Variants in C19orf25 observed in about 807,000 individuals in gnomAD.
The protein encoded by C19orf25 is UPF0449 protein C19orf25.
In C19orf25, 1 loss-of-function variant was observed where a neutral mutation model predicts 3.1. The ratio of observed to expected loss-of-function variants is 0.32; its 90% CI spans 0.12 to 1.54. The LOEUF is 1.54. Ranked by LOEUF, C19orf25 falls within the 40% of genes most tolerant of loss-of-function variation. The pLI, the probability that C19orf25 is intolerant of heterozygous loss-of-function variation, is 0.38. For synonymous variants in C19orf25, 91 were observed against 74.3 expected (o/e 1.23, Z -1.16); for missense variants, 196 against 160.4 (o/e 1.22, Z -1.20).
At position 1,473,366 on chromosome 19, in the gene C19orf25, G is replaced by GA. The variant is rs1337702217; in HGVS notation, c.*1665dup. On this transcript the variant is annotated 3_prime_UTR_variant, in exon 3 of 3. Coordinates refer to ENST00000585675, the MANE Select transcript of C19orf25 (RefSeq NM_152482.3). ...TCCCTGGAAGCAGAGCCAGAAAGCAGAAACTGGGGGCACAGGGTTTGTGGG... is the reference window on the plus strand; with the variant it reads ...TCCCTGGAAGCAGAGCCAGAAAGCAGAAAACTGGGGGCACAGGGTTTGTGGG... 1 of 152,272 alleles carries GA rather than the reference G, an allele frequency of 6.6e-6. No individual in the cohort carries two copies. Among genetic ancestry groups the GA allele is most frequent in the Non-Finnish European group, 1.5e-5 (1 of 68,076 alleles). The allele number at this position is 152,272 out of a possible 1,614,324, so 9.4% of individuals were successfully genotyped here. A position where few individuals can be genotyped will look rare whatever the true frequency, so the allele number is the denominator to read the frequency against.
Position 1,475,981 on chromosome 19 carries a change from G to A in C19orf25, c.131-723C>T, listed in dbSNP as rs116892641. 3,270 of 385,198 alleles carry A rather than the reference G, an allele frequency of 8.5e-3. 25 individuals carry two copies. Among genetic ancestry groups the A allele is most frequent in the Non-Finnish European group, 0.011 (2,363 of 217,998 alleles). The allele number at this position is 385,198 out of a possible 1,614,324, so 23.9% of individuals were successfully genotyped here. A position where few individuals can be genotyped will look rare whatever the true frequency, so the allele number is the denominator to read the frequency against. On this transcript the variant is annotated intron_variant, in intron 2 of 2. Coordinates refer to ENST00000585675, the MANE Select transcript of C19orf25 (RefSeq NM_152482.3). ...TGGAAGCCAGAGACGCAACAAGCCCGCCACCGAAAACCTCTCCAGGGGCCG... is the reference window on the plus strand; with the variant it reads ...TGGAAGCCAGAGACGCAACAAGCCCACCACCGAAAACCTCTCCAGGGGCCG...
intron 2 of C19orf25, chr19:1,478,492 T>G: frequency 1.1e-6 from 1 of 925,086 alleles, no homozygotes; most frequent in Non-Finnish European, 1.4e-6. Flanking sequence ...CAGGCTGGTC[T>G]CGAACTCCTG....
intron 2 of C19orf25, chr19:1,476,291 T>C (rs1165520761): frequency 2.5e-6 from 1 of 398,720 alleles, no homozygotes; most frequent in Non-Finnish European, 4.4e-6. Flanking sequence ...ACCTCTGTCA[T>C]CACCTGCTTT....
rs1361023026 is a variant in C19orf25 at position 1,474,832 on chromosome 19, G to C, written c.*200C>G. The C allele has an allele frequency of 2.1e-6, 3 of 1,461,154 alleles. No individual in the cohort carries two copies. Among genetic ancestry groups the C allele is most frequent in the Non-Finnish European group, 1.8e-6 (2 of 1,107,390 alleles). The allele number at this position is 1,461,154 out of a possible 1,614,324, so 90.5% of individuals were successfully genotyped here. The stretch of plus-strand genomic sequence containing the variant: ...TGGGGCCCTCAGGTCACGCAGGACG[G>C]AGCCAGCTGGGTGGGTCCCACCAAC... On this transcript the variant is annotated 3_prime_UTR_variant, in exon 3 of 3. Coordinates refer to ENST00000585675, the MANE Select transcript of C19orf25 (RefSeq NM_152482.3).
chr19:1,478,924 G>T lies in C19orf25; in HGVS notation c.-2-19C>A. 1.3e-6 allele frequency: 2 copies of T among 1,576,128 alleles called. No individual in the cohort carries two copies. The highest frequency in any genetic ancestry group is 1.1e-5 in the South Asian group (1 of 87,290). On this transcript the variant is annotated intron_variant, in intron 1 of 2. Transcript: ENST00000585675. Reference sequence around the variant, plus strand: ...CCCATCTCTGAAGGCGGGGAAGGGGGCGCTGACCGGGGCGTCCACCTCTCC... The same window carrying T: ...CCCATCTCTGAAGGCGGGGAAGGGGTCGCTGACCGGGGCGTCCACCTCTCC...
chr19:1,478,140 C>G (rs905321259), intron 2 of C19orf25, among the ~76,000 whole-genome samples: 1 of 152,132 alleles, frequency 6.6e-6, no homozygotes, highest in Non-Finnish European at 1.5e-5. Context: ...GCACCGGCCA[C>G]TTATTTATTT....
intron 2 of C19orf25, chr19:1,478,519 C>A (rs752774044): frequency 8.5e-7 from 1 of 1,176,806 alleles, no homozygotes; most frequent in Non-Finnish European, 1.1e-6. Context: ...AGCGATCCTC[C>A]CGCCTCATCC....
Position 1,478,747 on chromosome 19 carries a change from T to C in C19orf25, c.130+27A>G, listed in dbSNP as rs777016362. ...CTTGCTGCCGGGGTCTCAGGTCCGCTTTTCCCCGGGACCGGGCTCCCCCTA... is the reference window on the plus strand; with the variant it reads ...CTTGCTGCCGGGGTCTCAGGTCCGCCTTTCCCCGGGACCGGGCTCCCCCTA... On this transcript the variant is annotated intron_variant, in intron 2 of 2. Transcript: ENST00000585675. The C allele has an allele frequency of 7.1e-6, 11 of 1,545,766 alleles. No individual in the cohort carries two copies. In the African/African-American group the frequency reaches 1.5e-4, roughly 21 times the overall value.
chr19:1,476,049 A>G, intron 2 of C19orf25: 1 of 396,782 alleles, frequency 2.5e-6, no homozygotes, highest in Admixed American at 4.4e-5. Context: ...AGGGGTGGCG[A>G]AGGTGAGAGG....
At position 1,475,117 on chromosome 19, in the gene C19orf25, T is replaced by C. The variant is rs768049372; in HGVS notation, c.272A>G (p.Gln91Arg). The change falls in exon 3 of 3, where the codon CAG (glutamine) becomes CGG (arginine). Residue 91 changes from glutamine (Q) to arginine (R), a missense_variant. Coordinates refer to ENST00000585675, the MANE Select transcript of C19orf25 (RefSeq NM_152482.3). ...NVLRQRCELL[Q>R]RAGEDLEREV... ...CCGCTCCAGGTCCTCGCCGGCTCGC[T>C]GCAGGAGCTCACACCTCTGCCTCAG... The C allele has an allele frequency of 3.2e-5, 51 of 1,603,868 alleles. 1 individual carries two copies. The Admixed American group carries it at 8.3e-4, about 26-fold the overall frequency.
intron 2 of C19orf25, chr19:1,476,079 G>A (rs2084202606): frequency 2.5e-6 from 1 of 397,932 alleles, no homozygotes; most frequent in Non-Finnish European, 4.4e-6. Context: ...ACGTCCTGGT[G>A]ACTCCCACAT....
At chr19:1,478,408 C>T (rs2084228056) in intron 2 of C19orf25, 1 of 445,848 alleles carries the variant, frequency 2.2e-6, no homozygotes, top group Non-Finnish European at 3.7e-6. Flanking sequence ...GCCCAGCTAA[C>T]TCTGTTTTGT....
intron 2 of C19orf25, among the ~76,000 whole-genome samples, chr19:1,476,677 A>C (rs1185406830): frequency 6.6e-6 from 1 of 152,130 alleles, no homozygotes; most frequent in East Asian, 1.9e-4. Flanking sequence ...ACAGGGTCTC[A>C]CTCTGTCACT....
intron 2 of C19orf25, chr19:1,478,419 TTTTG>T: frequency 5.4e-6 from 2 of 371,096 alleles, no homozygotes; most frequent in East Asian, 4.8e-5. Flanking sequence ...TCTGTTTTGT[TTTTG>T]TTTTTGTTTT....
chr19:1,476,376 C>T, intron 2 of C19orf25: 2 of 398,354 alleles, frequency 5.0e-6, no homozygotes, highest in Non-Finnish European at 4.4e-6. Flanking sequence ...TGAGCGCCCC[C>T]CGTCCCCCGC....
chr19:1,478,745 G>A (rs2084232416), intron 2 of C19orf25, 29 bp downstream of exon 2: 2 of 1,545,688 alleles, frequency 1.3e-6, no homozygotes, highest in East Asian at 2.4e-5. Context: ...TCTCAGGTCC[G>A]CTTTTCCCCG....
chr19:1,476,251 C>A (rs527475332), intron 2 of C19orf25: 3 of 398,646 alleles, frequency 7.5e-6, no homozygotes. Flanking sequence ...GAAGGCTCCA[C>A]GTGCCGCACG....
intron 2 of C19orf25, among the ~76,000 whole-genome samples, chr19:1,477,768 A>G (rs535555753): frequency 6.6e-6 from 1 of 152,314 alleles, no homozygotes; most frequent in East Asian, 1.9e-4. Flanking sequence ...AGACCTTAAA[A>G]AAACAGCCAG....
At chr19:1,476,192 G>GGGCCCCTCGGCTCTGGCC in intron 2 of C19orf25, 1 of 398,872 alleles carries the variant, frequency 2.5e-6, no homozygotes, top group Non-Finnish European at 4.4e-6. Flanking sequence ...GAAGCGTCAG[G>GGGCCCCTCGGCTCTGGCC]GGCCCCTCGG....
Sources: gnomAD v4.1 joint callset for allele counts (sites outside exome capture counted in the v4.1 genomes callset) on GRCh38, gnomAD v4.1.1 for gene constraint, MANE v1.5 for transcripts, NCBI Gene and HGNC (gene_info 2026-07-23, HGNC 2026-07-21) for gene names.